The following RBFOX3 variants were observed in gnomAD, a reference collection of about 807,000 sequenced individuals.
The protein encoded by RBFOX3 is RNA binding protein fox-1 homolog 3.
Under a neutral mutation model 48.7 loss-of-function variants are expected in RBFOX3, and 17 were observed. The observed-to-expected ratio is 0.35, with a 90% CI of 0.24 to 0.52. The LOEUF (loss-of-function observed/expected upper bound fraction) is 0.52, where lower values mean the gene tolerates loss of function less well. Ranked by LOEUF, RBFOX3 falls within the 20% of genes least tolerant of loss-of-function variation. The pLI is 0.94. For missense variants in RBFOX3, 382 were observed against 497.5 expected, an observed-to-expected ratio of 0.77 and a Z score of 2.21; for synonymous variants, 212 against 209.5, an observed-to-expected ratio of 1.01 and a Z score of -0.10.
intron 2 of RBFOX3, among the ~76,000 whole-genome samples, chr17:79,387,976 CTG>C (rs1302943105): frequency 6.7e-6 from 1 of 148,996 alleles, no homozygotes; most frequent in Non-Finnish European, 1.5e-5. Flanking sequence ...GAACGTGTAC[CTG>C]TGTGTGCATG....
chr17:79,510,791 G>A (rs2084039322), intron 1 of RBFOX3, among the ~76,000 whole-genome samples: 2 of 152,142 alleles, frequency 1.3e-5, no homozygotes, highest in African/African-American at 2.4e-5. Flanking sequence ...CTCCCTTGCT[G>A]GCCAGGCACA....
intron 1 of RBFOX3, among the ~76,000 whole-genome samples, chr17:79,594,078 C>T (rs1466817148): frequency 2.0e-5 from 3 of 152,086 alleles, no homozygotes; most frequent in Non-Finnish European, 2.9e-5. Context: ...ATCAGGACAG[C>T]GCGACAGTCC....
At chr17:79,156,348 C>T (rs1443061422) in intron 4 of RBFOX3, among the ~76,000 whole-genome samples, 2 of 152,186 alleles carry the variant, frequency 1.3e-5, no homozygotes, top group African/African-American at 2.4e-5. Context: ...GACCAGCCTC[C>T]CGGGGCCTAC....
At chr17:79,144,384 G>A (rs2144433363) in intron 4 of RBFOX3, among the ~76,000 whole-genome samples, 1 of 151,692 alleles carries the variant, frequency 6.6e-6, no homozygotes, top group South Asian at 2.1e-4. Flanking sequence ...GCCTACCACA[G>A]AGGCGTCACA....
chr17:79,645,422 C>T, the RBFOX3 span, among the ~76,000 whole-genome samples: 16 of 152,094 alleles, frequency 1.1e-4, no homozygotes, highest in South Asian at 2.1e-4. Context: ...GTGGCCCCTA[C>T]CTGGAATAAT....
chr17:79,577,788 C>T (rs1487620599), intron 1 of RBFOX3, among the ~76,000 whole-genome samples: 1 of 152,134 alleles, frequency 6.6e-6, no homozygotes, highest in Non-Finnish European at 1.5e-5. Context: ...GGTGGAGGGG[C>T]CAGGGAGGCC....
intron 2 of RBFOX3, among the ~76,000 whole-genome samples, chr17:79,469,609 A>G (rs1465793571): frequency 1.4e-4 from 21 of 152,154 alleles, no homozygotes; most frequent in African/African-American, 4.8e-4. Flanking sequence ...TGCCACAATG[A>G]GCCTGCCAGA....
At chr17:79,408,567 C>G (rs1001589241) in intron 2 of RBFOX3, among the ~76,000 whole-genome samples, 3 of 152,126 alleles carry the variant, frequency 2.0e-5, no homozygotes, top group African/African-American at 4.8e-5. Context: ...AGGGCTCCCC[C>G]AACCACAGAT....
chr17:79,186,907 G>A (rs1454219737), intron 4 of RBFOX3, among the ~76,000 whole-genome samples: 2 of 152,246 alleles, frequency 1.3e-5, no homozygotes, highest in African/African-American at 2.4e-5. Context: ...CTTGGAGGGT[G>A]CAGGCACTGC....
rs371497846 is a variant in RBFOX3, at chr17:79,397,098, T to C, written c.-175+85356A>G. On this transcript the variant is annotated intron_variant, in intron 2 of 14. Transcript: ENST00000693108. ...CTTTGTCACTTTCACAGCATCAGTG[T>C]TTCCAGGAGACGCCTCCCCACAGCC... 3.3e-5 allele frequency among the ~76,000 whole-genome samples: 5 copies of C among 152,200 alleles called. No homozygotes were observed. The East Asian group carries it at 9.6e-4, about 29-fold the overall frequency.
chr17:79,611,130 T>TCTCTCTCTCTCTCTCTCTCTG (rs1491548376), upstream of RBFOX3, among the ~76,000 whole-genome samples: 3 of 37,846 alleles, frequency 7.9e-5, no homozygotes, highest in Non-Finnish European at 1.3e-4. Context: ...TCCGCCCTCC[T>TCTCTCTCTCTCTCTCTCTCTG]TCTCTCTCTC....
At chr17:79,555,564 TGTG>T (rs2091640656) in intron 1 of RBFOX3, among the ~76,000 whole-genome samples, 1 of 5,022 alleles carries the variant, frequency 2.0e-4, no homozygotes, top group Non-Finnish European at 3.4e-4. Context: ...TGATGGTAGT[TGTG>T]GTGGTAGTGA....
chr17:79,447,408 G>A (rs1555738959), intron 2 of RBFOX3, among the ~76,000 whole-genome samples: 11 of 152,222 alleles, frequency 7.2e-5, no homozygotes. Flanking sequence ...GTGTTTGCTG[G>A]CAGAGTGCCG....
chr17:79,340,005 C>T (rs1472895288), intron 2 of RBFOX3, among the ~76,000 whole-genome samples: 1 of 152,148 alleles, frequency 6.6e-6, no homozygotes, highest in Non-Finnish European at 1.5e-5. Context: ...TGATGTTAAA[C>T]TTCTGAGCAT....
chr17:79,565,433 A>C (rs891262183), intron 1 of RBFOX3, among the ~76,000 whole-genome samples: 1 of 150,700 alleles, frequency 6.6e-6, no homozygotes, highest in African/African-American at 2.4e-5. Context: ...TCTGCCTCCC[A>C]GGTTCAAGCG....
chr17:79,620,367 A>T, the RBFOX3 span, among the ~76,000 whole-genome samples: 1 of 145,850 alleles, frequency 6.9e-6, no homozygotes, highest in African/African-American at 2.6e-5. Context: ...ATGGACACAC[A>T]CGGACATACA....
chr17:79,360,334 A>G (rs958214868), intron 2 of RBFOX3, among the ~76,000 whole-genome samples: 1 of 152,158 alleles, frequency 6.6e-6, no homozygotes, highest in South Asian at 2.1e-4. Context: ...CAGGGAACCA[A>G]GGAACCTGCA....
chr17:79,488,094 A>T (rs1245505140), intron 1 of RBFOX3, among the ~76,000 whole-genome samples: 1 of 151,914 alleles, frequency 6.6e-6, no homozygotes, highest in Non-Finnish European at 1.5e-5. Context: ...AAACACAGGC[A>T]CCCCAAGACC....
At chr17:79,454,867 C>G (rs1364171000) in intron 2 of RBFOX3, among the ~76,000 whole-genome samples, 1 of 152,194 alleles carries the variant, frequency 6.6e-6, no homozygotes, top group East Asian at 1.9e-4. Flanking sequence ...CCCATTGTAG[C>G]TCCTCAGTAT....
Sources: allele counts gnomAD v4.1 joint callset (sites outside exome capture counted in the v4.1 genomes callset), GRCh38; gene constraint gnomAD v4.1.1; transcripts MANE v1.5; gene names NCBI Gene and HGNC (gene_info 2026-07-23, HGNC 2026-07-21).